The following CLCN3 variants were observed in gnomAD, a reference collection of about 807,000 sequenced individuals.
CLCN3 encodes the protein Cl-/H+ antiporter 3.
CLCN3 carries 16 observed loss-of-function variants against 83.4 expected under a neutral mutation model. The ratio of observed to expected loss-of-function variants is 0.19; its 90% CI spans 0.13 to 0.29. CLCN3 has a LOEUF of 0.29. Among genes scored for constraint, CLCN3 ranks in the 10% least tolerant of loss-of-function variants. The pLI, the probability that CLCN3 is intolerant of heterozygous loss-of-function variation, is 1.00. For synonymous variants in CLCN3, 322 were observed against 346.2 expected (o/e 0.93, Z 0.78); for missense variants, 544 against 1,006.0 (o/e 0.54, Z 6.21).
chr4:169,683,233 C>T (rs868798104), intron 3 of CLCN3, among the ~76,000 whole-genome samples: 6 of 152,322 alleles, frequency 3.9e-5, no homozygotes, highest in African/African-American at 1.4e-4. Flanking sequence ...CATAGTGGCT[C>T]ATGCCTGTAA....
intron 2 of CLCN3, among the ~76,000 whole-genome samples, chr4:169,653,382 G>C (rs1290511424): frequency 6.6e-6 from 1 of 152,120 alleles, no homozygotes; most frequent in Non-Finnish European, 1.5e-5. Flanking sequence ...GCTCAAGCCT[G>C]TAATCCCTGC....
At chr4:169,644,912 C>T (rs888034522) in intron 2 of CLCN3, among the ~76,000 whole-genome samples, 2 of 151,976 alleles carry the variant, frequency 1.3e-5, no homozygotes, top group Non-Finnish European at 2.9e-5. Flanking sequence ...GGCCATAATC[C>T]GAGGAATGAA....
At chr4:169,678,412 CT>C (rs962847834) in intron 2 of CLCN3, among the ~76,000 whole-genome samples, 5 of 151,622 alleles carry the variant, frequency 3.3e-5, no homozygotes, top group African/African-American at 1.2e-4. Context: ...GATATTATTT[CT>C]TTTTTTTAAA....
chr4:169,658,585 TCCCAA>T (rs879841985), intron 2 of CLCN3, among the ~76,000 whole-genome samples: 8 of 152,010 alleles, frequency 5.3e-5, no homozygotes, highest in Non-Finnish European at 7.4e-5. Context: ...AACCACACAC[TCCCAA>T]ATTTACATTG....
At chr4:169,715,168 A>G (rs994783550) in intron 12 of CLCN3, among the ~76,000 whole-genome samples, 2 of 152,124 alleles carry the variant, frequency 1.3e-5, no homozygotes, top group African/African-American at 4.8e-5. Flanking sequence ...ATTAATTTTC[A>G]TATTTCAGTT....
chr4:169,672,166 C>T (rs548942552), intron 2 of CLCN3, among the ~76,000 whole-genome samples: 13 of 151,534 alleles, frequency 8.6e-5, no homozygotes, highest in Non-Finnish European at 1.5e-4. Flanking sequence ...GAGCCGAGAT[C>T]GCGCCACTGC....
intron 2 of CLCN3, among the ~76,000 whole-genome samples, chr4:169,636,291 G>A (rs1306893022): frequency 3.3e-5 from 5 of 152,046 alleles, no homozygotes; most frequent in Admixed American, 1.3e-4. Flanking sequence ...TTTCTATCTC[G>A]TTCCAAACAT....
intron 2 of CLCN3, among the ~76,000 whole-genome samples, chr4:169,637,361 C>G (rs1730244585): frequency 6.6e-6 from 1 of 151,948 alleles, no homozygotes; most frequent in Admixed American, 6.6e-5. Context: ...TAATCTTTTC[C>G]TTTATTCTAA....
At chr4:169,644,702 C>T (rs543936512) in intron 2 of CLCN3, among the ~76,000 whole-genome samples, 10 of 152,146 alleles carry the variant, frequency 6.6e-5, no homozygotes, top group African/African-American at 2.4e-4. Context: ...TCCCCACACC[C>T]GAATTCCCAA....
chr4:169,668,492 A>G (rs745512791), intron 2 of CLCN3, among the ~76,000 whole-genome samples: 5 of 152,232 alleles, frequency 3.3e-5, no homozygotes, highest in Admixed American at 6.5e-5. Context: ...AAAGAGGTTA[A>G]TAAGTAACTT....
At chr4:169,658,379 A>C (rs1338395396) in intron 2 of CLCN3, among the ~76,000 whole-genome samples, 1 of 152,060 alleles carries the variant, frequency 6.6e-6, no homozygotes, top group Non-Finnish European at 1.5e-5. Flanking sequence ...TGTCATTTTC[A>C]TTCTTTATGA....
intron 2 of CLCN3, among the ~76,000 whole-genome samples, chr4:169,639,790 C>T (rs1041218073): frequency 6.6e-6 from 1 of 152,124 alleles, no homozygotes; most frequent in African/African-American, 2.4e-5. Flanking sequence ...AGTAATTCTT[C>T]GTGACTCCAT....
intron 2 of CLCN3, among the ~76,000 whole-genome samples, chr4:169,671,858 T>C (rs989684003): frequency 6.6e-6 from 1 of 152,220 alleles, no homozygotes; most frequent in Admixed American, 6.5e-5. Context: ...CACAGGTAAG[T>C]GAGAACTGCA....
At chr4:169,660,466 CT>C in intron 2 of CLCN3, 1 of 1,301,552 alleles carries the variant, frequency 7.7e-7, no homozygotes. Context: ...TATCCCCTTG[CT>C]GTGAATTCTC....
At chr4:169,682,584 ATACT>A (rs1356516079) in intron 3 of CLCN3, among the ~76,000 whole-genome samples, 1 of 152,240 alleles carries the variant, frequency 6.6e-6, no homozygotes, top group Non-Finnish European at 1.5e-5. Context: ...AACTTCATAC[ATACT>A]TCCACAAGCA....
intron 1 of CLCN3, among the ~76,000 whole-genome samples, chr4:169,626,412 G>A (rs915851058): frequency 1.3e-5 from 2 of 152,180 alleles, no homozygotes; most frequent in African/African-American, 4.8e-5. Context: ...AATGTGATTG[G>A]ACAAAAAGAG....
chr4:169,675,960 T>C (rs1409067115), intron 2 of CLCN3, among the ~76,000 whole-genome samples: 3 of 152,230 alleles, frequency 2.0e-5, no homozygotes, highest in Non-Finnish European at 4.4e-5. Context: ...ACTGTGTGTG[T>C]GCTTATACAT....
chr4:169,668,043 ATTTTTTTTTTT>A (rs60739106), intron 2 of CLCN3, among the ~76,000 whole-genome samples: 1 of 82,344 alleles, frequency 1.2e-5, no homozygotes, highest in Non-Finnish European at 2.4e-5. Flanking sequence ...CCGGCCAGAC[ATTTTTTTTTTT>A]TTTTTTTTTT....
At chr4:169,653,215 G>A (rs1371202733) in intron 2 of CLCN3, among the ~76,000 whole-genome samples, 1 of 152,058 alleles carries the variant, frequency 6.6e-6, no homozygotes, top group Non-Finnish European at 1.5e-5. Flanking sequence ...ATTTAGTTGT[G>A]TAGTCATCTG....
Sources: gnomAD v4.1 joint callset for allele counts (sites outside exome capture counted in the v4.1 genomes callset) on GRCh38, gnomAD v4.1.1 for gene constraint, MANE v1.5 for transcripts, NCBI Gene and HGNC (gene_info 2026-07-23, HGNC 2026-07-21) for gene names.